BACH2: variants seen among roughly 807,000 people sequenced by gnomAD.
BACH2 encodes transcription regulator protein BACH2.
BACH2 carries 5 observed loss-of-function variants against 61.8 expected under a neutral mutation model. The observed-to-expected ratio is 0.08, with a 90% CI of 0.04 to 0.17. The LOEUF (loss-of-function observed/expected upper bound fraction) is 0.17, where lower values mean the gene tolerates loss of function less well. BACH2 is among the 10% of genes least tolerant of loss of function. The pLI, the probability that BACH2 is intolerant of heterozygous loss-of-function variation, is 1.00. For synonymous variants in BACH2, 446 were observed against 440.1 expected (o/e 1.01, Z -0.17); for missense variants, 824 against 1,091.1 (o/e 0.76, Z 3.45).
intron 3 of BACH2, among the ~76,000 whole-genome samples, chr6:90,243,787 A>ACAGTT (rs1343730143): frequency 1.3e-5 from 2 of 152,262 alleles, no homozygotes; most frequent in African/African-American, 4.8e-5. Flanking sequence ...TACTACCTGA[A>ACAGTT]CAGTTCCCCA....
chr6:90,087,727 G>A (rs143080569), intron 5 of BACH2, among the ~76,000 whole-genome samples: 2 of 149,330 alleles, frequency 1.3e-5, no homozygotes, highest in Non-Finnish European at 3.0e-5. Context: ...CCATGTGTGT[G>A]TTTTTTTTTT....
intron 4 of BACH2, among the ~76,000 whole-genome samples, chr6:90,149,048 G>T (rs931402194): frequency 6.6e-6 from 1 of 152,154 alleles, no homozygotes; most frequent in Non-Finnish European, 1.5e-5. Context: ...ACAAGAGAGG[G>T]ACACAGGCTG....
At chr6:90,203,856 C>A (rs1769043141) in intron 4 of BACH2, among the ~76,000 whole-genome samples, 1 of 152,112 alleles carries the variant, frequency 6.6e-6, no homozygotes, top group Admixed American at 6.5e-5. Flanking sequence ...CAAAGTACAC[C>A]CCTTTCTGGT....
At chr6:90,117,080 G>C in intron 4 of BACH2, 1 of 291,200 alleles carries the variant, frequency 3.4e-6, no homozygotes, top group Non-Finnish European at 6.8e-6. Context: ...CTAAGGGTTG[G>C]GTGTTTCTCG....
chr6:89,961,503 T>C (rs577556207), intron 6 of BACH2, among the ~76,000 whole-genome samples: 62 of 152,336 alleles, frequency 4.1e-4, no homozygotes, highest in African/African-American at 1.4e-3. Flanking sequence ...ACCAGTGATT[T>C]TCCTAGGCGA....
chr6:90,055,423 A>G (rs916684437), intron 5 of BACH2, among the ~76,000 whole-genome samples: 62 of 152,172 alleles, frequency 4.1e-4, no homozygotes, highest in African/African-American at 1.3e-3. Flanking sequence ...AGTTCAGAGA[A>G]AAAAGAATAA....
At chr6:90,089,344 C>T (rs528857736) in intron 4 of BACH2, among the ~76,000 whole-genome samples, 1 of 152,142 alleles carries the variant, frequency 6.6e-6, no homozygotes, top group South Asian at 2.1e-4. Context: ...GAGGTATCTC[C>T]TTTAGGTGAG....
chr6:90,101,472 G>A (rs1782624176), intron 4 of BACH2, among the ~76,000 whole-genome samples: 2 of 152,112 alleles, frequency 1.3e-5, no homozygotes, highest in African/African-American at 4.8e-5. Context: ...CTGTTGTCCT[G>A]GCACTATATG....
chr6:90,150,983 A>C (rs991477272), intron 4 of BACH2, among the ~76,000 whole-genome samples: 1 of 152,210 alleles, frequency 6.6e-6, no homozygotes, highest in Non-Finnish European at 1.5e-5. Flanking sequence ...TTTTAAGAGT[A>C]GAAGAGGGAC....
chr6:90,253,463 T>A (rs549431048), intron 2 of BACH2, among the ~76,000 whole-genome samples: 1 of 152,296 alleles, frequency 6.6e-6, no homozygotes, highest in East Asian at 1.9e-4. Context: ...ATATAGAAAT[T>A]AGGATACCTT....
intron 6 of BACH2, among the ~76,000 whole-genome samples, chr6:89,995,231 C>A (rs913383153): frequency 6.6e-6 from 1 of 152,028 alleles, no homozygotes; most frequent in Non-Finnish European, 1.5e-5. Context: ...GAATTACCCT[C>A]ACCCTCCCAC....
intron 4 of BACH2, among the ~76,000 whole-genome samples, chr6:90,180,219 A>G (rs572358223): frequency 2.6e-4 from 40 of 152,278 alleles, no homozygotes; most frequent in Middle Eastern, 3.4e-3. Flanking sequence ...AAATCAATAT[A>G]AAAACTATTA....
chr6:89,946,343 T>G (rs1248098341), intron 7 of BACH2, among the ~76,000 whole-genome samples: 1 of 152,124 alleles, frequency 6.6e-6, no homozygotes. Flanking sequence ...TGGGCAAGAA[T>G]AGGGGAAATT....
chr6:90,005,826 T>C (rs987142756), intron 6 of BACH2, among the ~76,000 whole-genome samples: 1 of 152,238 alleles, frequency 6.6e-6, no homozygotes, highest in African/African-American at 2.4e-5. Context: ...AGATTTCAGA[T>C]ACGTGAGCAA....
At chr6:90,268,178 T>A (rs1771406245) in intron 2 of BACH2, among the ~76,000 whole-genome samples, 1 of 152,070 alleles carries the variant, frequency 6.6e-6, no homozygotes, top group Non-Finnish European at 1.5e-5. Flanking sequence ...CCAGCTAATT[T>A]TTGTATTTTT....
intron 6 of BACH2, among the ~76,000 whole-genome samples, chr6:90,005,957 A>C (rs1276761745): frequency 1.3e-5 from 2 of 152,202 alleles, no homozygotes; most frequent in Non-Finnish European, 2.9e-5. Flanking sequence ...ACACACAGCA[A>C]ATTCTCACTT....
intron 3 of BACH2, among the ~76,000 whole-genome samples, chr6:90,240,916 T>A (rs1200422749): frequency 6.6e-6 from 1 of 152,078 alleles, no homozygotes; most frequent in African/African-American, 2.4e-5. Context: ...CAACAGATAT[T>A]ACTTTTGAAC....
intron 4 of BACH2, among the ~76,000 whole-genome samples, chr6:90,115,136 A>G (rs1285955410): frequency 6.6e-6 from 1 of 152,210 alleles, no homozygotes; most frequent in Non-Finnish European, 1.5e-5. Context: ...CTATCAAGCT[A>G]CCAATGATAT....
intron 3 of BACH2, among the ~76,000 whole-genome samples, chr6:90,243,465 G>A (rs1040704430): frequency 1.4e-4 from 22 of 152,098 alleles, no homozygotes; most frequent in Non-Finnish European, 2.4e-4. Flanking sequence ...GCTGGTTTTT[G>A]TTGCTGTTGC....
Sources: allele counts gnomAD v4.1 joint callset (sites outside exome capture counted in the v4.1 genomes callset), GRCh38; gene constraint gnomAD v4.1.1; transcripts MANE v1.5; gene names NCBI Gene and HGNC (gene_info 2026-07-23, HGNC 2026-07-21).